The following FAM13A variants were observed in gnomAD, a reference collection of about 807,000 sequenced individuals.
FAM13A encodes family with sequence similarity 13 member A.
A neutral mutation model predicts 129.6 loss-of-function variants in FAM13A; 76 were observed. That is an observed-to-expected ratio of 0.59 (90% confidence interval 0.49 to 0.71). FAM13A has a LOEUF of 0.71. FAM13A is among the 30% of genes least tolerant of loss of function. The pLI, the probability that FAM13A is intolerant of heterozygous loss-of-function variation, is 0.00. For missense variants in FAM13A, 1,108 were observed against 1,249.3 expected, an observed-to-expected ratio of 0.89 and a Z score of 1.70; for synonymous variants, 443 against 449.9, an observed-to-expected ratio of 0.98 and a Z score of 0.20.
chr4:88,781,245 C>T lies in FAM13A; in HGVS notation c.1378G>A (p.Ala460Thr). 2 of 1,612,810 alleles carry T rather than the reference C, an allele frequency of 1.2e-6. No individual in the cohort carries two copies. Among genetic ancestry groups the T allele is most frequent in the Non-Finnish European group, 1.7e-6 (2 of 1,179,320 alleles). ...EKVHKNTFGC[A>T]GERSKPKRQK... ...CGTTTAGGCTTGCTCCTTTCTCCAG[C>T]ACAACCAAAAGTATTTTTGTGTACC... is the stretch of plus-strand genomic sequence containing the variant. Residue 460 changes from alanine to threonine, a missense_variant, in exon 11 of 24, where the codon GCT becomes ACT. Around this residue, in one of 3 missense-constraint regions of FAM13A, gnomAD observed 566 missense variants for 595.7 expected, o/e 0.95. Transcript: ENST00000264344.
intron 11 of FAM13A, among the ~76,000 whole-genome samples, chr4:88,770,486 C>T (rs749238513): frequency 2.6e-5 from 4 of 151,940 alleles, no homozygotes; most frequent in Non-Finnish European, 4.4e-5. Context: ...GTGTAAATGA[C>T]GATTTCCAAA....
intron 21 of FAM13A, among the ~76,000 whole-genome samples, chr4:88,734,642 G>A (rs556210070): frequency 6.6e-6 from 1 of 152,168 alleles, no homozygotes; most frequent in African/African-American, 2.4e-5. Context: ...TGGGGACATC[G>A]GGCAATGTCT....
chr4:88,900,263 C>G (rs533538655), intron 6 of FAM13A, among the ~76,000 whole-genome samples: 7 of 152,178 alleles, frequency 4.6e-5, no homozygotes, highest in African/African-American at 1.7e-4. Context: ...CTTAACAAGA[C>G]AGCCCAACAT....
intron 1 of FAM13A, chr4:89,029,930 C>A: frequency 2.7e-6 from 1 of 364,284 alleles, no homozygotes; most frequent in Non-Finnish European, 4.9e-6. Context: ...ACTACAGTAA[C>A]CAAGGGGTGT....
At chr4:88,745,354 G>T (rs1741101751) in intron 19 of FAM13A, among the ~76,000 whole-genome samples, 1 of 152,160 alleles carries the variant, frequency 6.6e-6, no homozygotes, top group South Asian at 2.1e-4. Flanking sequence ...CCCAGTCCAG[G>T]CTGAATGAGG....
Position 88,747,859 on chromosome 4 carries a change from A to G in FAM13A, c.2162-8T>C. 1.3e-6 allele frequency: 2 copies of G among 1,582,324 alleles called. No homozygotes were observed. Among genetic ancestry groups the G allele is most frequent in the Non-Finnish European group, 1.7e-6 (2 of 1,152,206 alleles). ...ATATCTTTAGTTTTGATTCTAGTTG[A>G]GAAGATTTGGGGGTAAAGATATATG... On this transcript the variant is annotated splice_region_variant and splice_polypyrimidine_tract_variant and intron_variant, in intron 17 of 23. Coordinates refer to ENST00000264344, the MANE Select transcript of FAM13A (RefSeq NM_014883.4).
intron 1 of FAM13A, among the ~76,000 whole-genome samples, chr4:89,037,220 T>C (rs1769501845): frequency 6.6e-6 from 1 of 152,210 alleles, no homozygotes; most frequent in Non-Finnish European, 1.5e-5. Flanking sequence ...TGCTGTACCC[T>C]ATAGAGCCAT....
At chr4:88,794,775 G>A (rs1025667666) in intron 8 of FAM13A, among the ~76,000 whole-genome samples, 2 of 151,512 alleles carry the variant, frequency 1.3e-5, no homozygotes, top group African/African-American at 2.4e-5. Flanking sequence ...TGAGATGTTC[G>A]CTTAAATAAA....
At chr4:89,020,350 C>A in intron 3 of FAM13A, 110 bp downstream of exon 3, 1 of 612,090 alleles carries the variant, frequency 1.6e-6, no homozygotes, top group Admixed American at 3.4e-5. Flanking sequence ...CTCCTGGCTT[C>A]AAGCAATCTT....
chr4:88,800,530 T>A (rs1441269429), intron 8 of FAM13A, among the ~76,000 whole-genome samples: 1 of 151,406 alleles, frequency 6.6e-6, no homozygotes, highest in South Asian at 2.1e-4. Flanking sequence ...ACTAAAAATA[T>A]AAAAATTAGC....
chr4:88,812,509 A>G (rs1729857129), intron 7 of FAM13A, among the ~76,000 whole-genome samples: 2 of 152,018 alleles, frequency 1.3e-5, no homozygotes, highest in South Asian at 4.1e-4. Context: ...AACTCTTTCC[A>G]TTTGTACATG....
chr4:88,903,911 CT>C (rs146899699), intron 6 of FAM13A, among the ~76,000 whole-genome samples: 261 of 152,150 alleles, frequency 1.7e-3, no homozygotes, highest in African/African-American at 5.9e-3. Flanking sequence ...CTACAAGGAA[CT>C]TAAACACATT....
intron 7 of FAM13A, among the ~76,000 whole-genome samples, chr4:88,824,604 T>C (rs1323588943): frequency 5.3e-5 from 8 of 152,222 alleles, no homozygotes; most frequent in Admixed American, 5.2e-4. Flanking sequence ...GATTCTAGAT[T>C]TACAAATTCT....
intron 6 of FAM13A, among the ~76,000 whole-genome samples, chr4:88,874,945 A>G (rs1383764515): frequency 6.6e-6 from 1 of 152,214 alleles, no homozygotes; most frequent in Non-Finnish European, 1.5e-5. Flanking sequence ...AAACAGAGAT[A>G]TAGATCAATG....
intron 1 of FAM13A, among the ~76,000 whole-genome samples, chr4:89,031,305 C>T (rs748897398): frequency 2.6e-5 from 4 of 151,996 alleles, no homozygotes; most frequent in Non-Finnish European, 5.9e-5. Context: ...AAACAGCTGA[C>T]AGTGAAGTTA....
chr4:88,745,652 T>C (rs1329428985), intron 19 of FAM13A, among the ~76,000 whole-genome samples: 1 of 152,200 alleles, frequency 6.6e-6, no homozygotes, highest in African/African-American at 2.4e-5. Context: ...AGTTCACTTC[T>C]GCCTCTACAC....
At chr4:88,985,062 AAACAC>A (rs1762070799) in intron 4 of FAM13A, among the ~76,000 whole-genome samples, 1 of 152,224 alleles carries the variant, frequency 6.6e-6, no homozygotes, top group Admixed American at 6.5e-5. Context: ...ATGAGTTGAT[AAACAC>A]ATCAACTGGT....
intron 7 of FAM13A, among the ~76,000 whole-genome samples, chr4:88,824,874 A>AT (rs1392364546): frequency 1.3e-5 from 2 of 151,924 alleles, no homozygotes; most frequent in Non-Finnish European, 2.9e-5. Flanking sequence ...TGACTGGCTA[A>AT]TTTTTGTGGT....
In FAM13A at chr4:89,029,612, T is replaced by C; in HGVS notation, c.65A>G (p.Lys22Arg). ...KAAVRLKEDMKKIVAVPLNEQ... is the reference protein window; with the variant it reads ...KAAVRLKEDMRKIVAVPLNEQ... ...ATTTAATGGCACTGCCACTATCTTT[T>C]TCATGTCTTCTTTCAGCCGAACCGC... Residue 22 changes from lysine to arginine, a missense_variant, in exon 2 of 24, where the codon AAA becomes AGA. Physicochemically the swap from Lys to Arg is conservative, Grantham distance 26. Around this residue, in one of 3 missense-constraint regions of FAM13A, gnomAD observed 566 missense variants for 595.7 expected, o/e 0.95. Coordinates refer to ENST00000264344, the MANE Select transcript of FAM13A (RefSeq NM_014883.4). 6.3e-7 allele frequency: 1 copy of C among 1,585,254 alleles called. No homozygotes were observed. The highest frequency in any genetic ancestry group is 8.5e-7 in the Non-Finnish European group (1 of 1,171,482).
Sources: gnomAD v4.1 joint callset for allele counts (sites outside exome capture counted in the v4.1 genomes callset) on GRCh38, gnomAD v4.1.1 for gene constraint, gnomAD v4.1.1 regional missense constraint, MANE v1.5 for transcripts, NCBI Gene and HGNC (gene_info 2026-07-23, HGNC 2026-07-21) for gene names.